Variants in TBL1Y observed in about 807,000 individuals in gnomAD.
The protein encoded by TBL1Y is F-box-like/WD repeat-containing protein TBL1Y.
Under a neutral mutation model 12.0 loss-of-function variants are expected in TBL1Y, and 15 were observed. The ratio of observed to expected loss-of-function variants is 1.25; its 90% CI spans 0.83 to 1.92. The LOEUF (loss-of-function observed/expected upper bound fraction) is 1.92, where lower values mean the gene tolerates loss of function less well. Ranked by LOEUF, TBL1Y falls within the 40% of genes most tolerant of loss-of-function variation. TBL1Y has a pLI of 0.00. For missense variants in TBL1Y, 148 were observed against 116.7 expected, an observed-to-expected ratio of 1.27 and a Z score of -1.24; for synonymous variants, 53 against 42.6, an observed-to-expected ratio of 1.24 and a Z score of -0.95.
intron 7 of TBL1Y, among the ~76,000 whole-genome samples, chrY:7,062,950 C>G (rs2124173607): frequency 2.9e-5 from 1 of 33,974 alleles, no homozygotes; most frequent in South Asian, 6.7e-4. Context: ...CTTTTCTTTC[C>G]CTGGTCTGTG....
intron 2 of TBL1Y, among the ~76,000 whole-genome samples, chrY:6,977,506 A>G: frequency 3.0e-5 from 1 of 33,386 alleles, no homozygotes; most frequent in Non-Finnish European, 7.4e-5. Context: ...GGGCACAATT[A>G]TCCACAGTTG....
chrY:7,033,696 T>C, intron 6 of TBL1Y, among the ~76,000 whole-genome samples: 1 of 33,699 alleles, frequency 3.0e-5, no homozygotes, highest in Non-Finnish European at 7.3e-5. Flanking sequence ...TCAGTAAACG[T>C]AATTCATCAC....
At chrY:7,079,472 G>T (rs2013079807) in intron 13 of TBL1Y, among the ~76,000 whole-genome samples, 1 of 33,744 alleles carries the variant, frequency 3.0e-5, no homozygotes, top group South Asian at 6.7e-4. Flanking sequence ...TTGGGAAGTT[G>T]CCAGATTTCT....
At chrY:7,031,275 C>T in intron 6 of TBL1Y, among the ~76,000 whole-genome samples, 1 of 33,413 alleles carries the variant, frequency 3.0e-5, no homozygotes, top group African/African-American at 1.2e-4. Context: ...AGGTTGGGCT[C>T]TCCATAAGGA....
chrY:6,996,325 G>T, intron 4 of TBL1Y, among the ~76,000 whole-genome samples: 1 of 33,331 alleles, frequency 3.0e-5, no homozygotes, highest in Non-Finnish European at 7.3e-5. Context: ...AGAGTCTTGG[G>T]TGCCAAGTGA....
At chrY:7,011,182 C>T (rs969928678) in intron 4 of TBL1Y, among the ~76,000 whole-genome samples, 2 of 33,555 alleles carry the variant, frequency 6.0e-5, no homozygotes, top group Non-Finnish European at 1.5e-4. Context: ...GGCTGGAGAA[C>T]TCTCTGTGGT....
chrY:7,063,547 G>C (rs2012912219), intron 7 of TBL1Y, among the ~76,000 whole-genome samples: 1 of 32,841 alleles, frequency 3.0e-5, no homozygotes, highest in Non-Finnish European at 7.5e-5. Flanking sequence ...GGATGGAGTA[G>C]GTAATCGGAA....
At chrY:6,959,165 C>T in intron 2 of TBL1Y, among the ~76,000 whole-genome samples, 1 of 33,473 alleles carries the variant, frequency 3.0e-5, no homozygotes, top group African/African-American at 1.2e-4. Context: ...ACCAAGTATA[C>T]TGCTTGTAAA....
chrY:6,996,080 C>T, intron 4 of TBL1Y, among the ~76,000 whole-genome samples, 182 bp downstream of exon 4: 1 of 32,268 alleles, frequency 3.1e-5, no homozygotes, highest in Non-Finnish European at 7.5e-5. Context: ...GCCGCTGTTC[C>T]ACTTGGAATG....
chrY:6,938,212 T>C, intron 2 of TBL1Y, among the ~76,000 whole-genome samples: 2 of 33,909 alleles, frequency 5.9e-5, no homozygotes, highest in Non-Finnish European at 1.5e-4. Context: ...TACCTTCAAC[T>C]CAAGGCTTAT....
intron 4 of TBL1Y, among the ~76,000 whole-genome samples, chrY:7,006,881 T>C: frequency 3.0e-5 from 1 of 33,833 alleles, no homozygotes; most frequent in African/African-American, 1.1e-4. Context: ...AAATTGTGTT[T>C]TAATTGTATT....
At chrY:7,043,190 A>G in intron 7 of TBL1Y, 65 bp downstream of exon 7, 1 of 369,239 alleles carries the variant, frequency 2.7e-6, no homozygotes, top group Non-Finnish European at 3.9e-6. Flanking sequence ...AGGTTGGAAC[A>G]CATTAGAAGC....
intron 2 of TBL1Y, among the ~76,000 whole-genome samples, chrY:6,967,341 T>C (rs2012175562): frequency 3.0e-5 from 1 of 33,113 alleles, no homozygotes; most frequent in Non-Finnish European, 7.4e-5. Context: ...ACCCTACAGA[T>C]TGAAGAAAAT....
At chrY:7,077,995 C>A in intron 13 of TBL1Y, among the ~76,000 whole-genome samples, 1 of 33,191 alleles carries the variant, frequency 3.0e-5, no homozygotes, top group Admixed American at 2.8e-4. Context: ...CACAGCAAGA[C>A]CCTGTCTCTG....
At chrY:7,081,671 G>C in intron 14 of TBL1Y, among the ~76,000 whole-genome samples, 3 of 33,070 alleles carry the variant, frequency 9.1e-5, no homozygotes, top group African/African-American at 3.6e-4. Flanking sequence ...AACCATGACA[G>C]AAGGTAAAAG....
chrY:6,957,137 T>C (rs2012075610), intron 2 of TBL1Y, among the ~76,000 whole-genome samples: 1 of 34,642 alleles, frequency 2.9e-5, no homozygotes, highest in African/African-American at 1.1e-4. Context: ...AAATGCCTGA[T>C]TGGAATGGAT....
At chrY:7,047,755 A>AT (rs772630628) in intron 7 of TBL1Y, among the ~76,000 whole-genome samples, 87 of 17,616 alleles carry the variant, frequency 4.9e-3, no homozygotes, top group African/African-American at 0.018. Context: ...TGTTTGTTTC[A>AT]TTTTTTTTTT....
chrY:6,999,901 G>A (rs2012438586), intron 4 of TBL1Y, among the ~76,000 whole-genome samples: 1 of 26,168 alleles, frequency 3.8e-5, no homozygotes, highest in East Asian at 1.0e-3. Context: ...TCATTTTCCT[G>A]GCCAATTCAA....
chrY:7,049,926 G>A (rs2012786999), intron 7 of TBL1Y, among the ~76,000 whole-genome samples: 1 of 33,815 alleles, frequency 3.0e-5, no homozygotes, highest in Non-Finnish European at 7.3e-5. Flanking sequence ...TAGACATGAA[G>A]TCCTTGCCCA....
Sources: gnomAD v4.1 joint callset for allele counts (sites outside exome capture counted in the v4.1 genomes callset) on GRCh38, gnomAD v4.1.1 for gene constraint, MANE v1.5 for transcripts, NCBI Gene and HGNC (gene_info 2026-07-23, HGNC 2026-07-21) for gene names.